Variants in SMIM36 observed in about 807,000 individuals in gnomAD.
SMIM36 encodes the protein small integral membrane protein 36.
chr17:55,466,277 C>CAAAAA lies in SMIM36; in HGVS notation c.*531+863_*531+867dup, dbSNP rs796506078. On this transcript the variant is annotated intron_variant, in intron 4 of 4. Transcript: ENST00000636752. Reference sequence around the variant, plus strand: ...GGGCAACAAGATCAAGACTCCGTCTCAAAAAAAAAAAAAAAAAAAAAAAAA... The same window carrying CAAAAA: ...GGGCAACAAGATCAAGACTCCGTCTCAAAAAAAAAAAAAAAAAAAAAAAAAAAAAA... Among the ~76,000 whole-genome samples the CAAAAA allele has an allele frequency of 7.1e-3, 326 of 46,194 alleles. 1 individual carries two copies. Among genetic ancestry groups the CAAAAA allele is most frequent in the Non-Finnish European group, 8.4e-3 (204 of 24,386 alleles). 30.3% of individuals were successfully genotyped at this position (46,194 alleles called of 152,430 possible). A position where few individuals can be genotyped will look rare whatever the true frequency, so the allele number is the denominator to read the frequency against.
chr17:55,467,851 A>T (rs1017743950), intron 3 of SMIM36, among the ~76,000 whole-genome samples: 1 of 152,162 alleles, frequency 6.6e-6, no homozygotes, highest in African/African-American at 2.4e-5. Flanking sequence ...AAGTGAAAAT[A>T]GGCAGTTCCT....
chr17:55,491,247 C>CA (rs1206937453), intron 1 of SMIM36, among the ~76,000 whole-genome samples: 6,865 of 48,682 alleles, frequency 0.14, 301 homozygotes, highest in African/African-American at 0.22. Flanking sequence ...GTCTCCTCAC[C>CA]AAAAAAAAAA....
chr17:55,468,521 C>A (rs1323998523), intron 3 of SMIM36: 1 of 152,958 alleles, frequency 6.5e-6, no homozygotes, highest in African/African-American at 2.4e-5. Flanking sequence ...CTGCCTTGAT[C>A]ATTCACCCAC....
At chr17:55,531,812 A>C in the SMIM36 span, among the ~76,000 whole-genome samples, 1 of 152,258 alleles carries the variant, frequency 6.6e-6, no homozygotes. Flanking sequence ...TGAGGAGGAC[A>C]CAATAGTACG....
chr17:55,502,316 A>G (rs1910007114), intron 1 of SMIM36, among the ~76,000 whole-genome samples: 1 of 132,824 alleles, frequency 7.5e-6, no homozygotes, highest in Non-Finnish European at 1.6e-5. Flanking sequence ...GCAGACTTAA[A>G]TGTCCCTGTC....
chr17:55,508,464 A>ATATATATATATC (rs1414530815), intron 1 of SMIM36, among the ~76,000 whole-genome samples: 2 of 119,060 alleles, frequency 1.7e-5, no homozygotes, highest in African/African-American at 6.3e-5. Flanking sequence ...ATATATATAT[A>ATATATATATATC]TATATGAACC....
intron 4 of SMIM36, among the ~76,000 whole-genome samples, chr17:55,464,946 A>G (rs1909210332): frequency 1.3e-5 from 2 of 152,236 alleles, no homozygotes; most frequent in South Asian, 4.1e-4. Context: ...TAAAATGGAA[A>G]TAATACCTGA....
intron 4 of SMIM36, among the ~76,000 whole-genome samples, chr17:55,460,780 C>A (rs1909135144): frequency 6.6e-6 from 1 of 152,056 alleles, no homozygotes; most frequent in South Asian, 2.1e-4. Flanking sequence ...ATGGCGTGAA[C>A]CCAGGAGGCG....
upstream of SMIM36, among the ~76,000 whole-genome samples, chr17:55,512,255 C>G (rs1269761337): frequency 1.3e-5 from 2 of 152,130 alleles, no homozygotes; most frequent in African/African-American, 4.8e-5. Context: ...AGAAAGGAGC[C>G]TGGAAAATTG....
chr17:55,522,521 G>A, the SMIM36 span, among the ~76,000 whole-genome samples: 9 of 152,214 alleles, frequency 5.9e-5, no homozygotes, highest in African/African-American at 2.2e-4. Flanking sequence ...AGGCAAGAGA[G>A]TTTGTGCAGG....
At chr17:55,497,452 G>C (rs542448227) in intron 1 of SMIM36, among the ~76,000 whole-genome samples, 83 of 152,202 alleles carry the variant, frequency 5.5e-4, no homozygotes, top group African/African-American at 1.9e-3. Flanking sequence ...TTTTAGTAGA[G>C]ATGGGGTTTC....
At chr17:55,526,667 T>C in the SMIM36 span, among the ~76,000 whole-genome samples, 1 of 152,206 alleles carries the variant, frequency 6.6e-6, no homozygotes, top group Non-Finnish European at 1.5e-5. Flanking sequence ...AATAATGGCT[T>C]TTGGATGATC....
the SMIM36 span, among the ~76,000 whole-genome samples, chr17:55,516,545 A>ACAGTCTTC: frequency 6.9e-6 from 1 of 144,166 alleles, no homozygotes; most frequent in Non-Finnish European, 1.5e-5. Flanking sequence ...AGGAATGTGA[A>ACAGTCTTC]CAGTCTTCCT....
intron 1 of SMIM36, among the ~76,000 whole-genome samples, chr17:55,490,142 A>C (rs1471982573): frequency 6.6e-6 from 1 of 152,066 alleles, no homozygotes; most frequent in South Asian, 2.1e-4. Flanking sequence ...GACAGGAGCC[A>C]CCGCGCCTGG....
chr17:55,466,792 G>T (rs983056368), intron 4 of SMIM36, among the ~76,000 whole-genome samples: 8 of 152,202 alleles, frequency 5.3e-5, no homozygotes, highest in Non-Finnish European at 8.8e-5. Flanking sequence ...TGGTGGTATC[G>T]GAGGTGCCAA....
At chr17:55,513,232 A>T (rs1302848141), upstream of SMIM36, among the ~76,000 whole-genome samples, 1 of 152,196 alleles carries the variant, frequency 6.6e-6, no homozygotes, top group East Asian at 1.9e-4. Context: ...TGCAACCAGG[A>T]TGGAGAATCA....
chr17:55,466,422 C>A (rs1010912779), intron 4 of SMIM36, among the ~76,000 whole-genome samples: 1 of 151,890 alleles, frequency 6.6e-6, no homozygotes, highest in Admixed American at 6.6e-5. Flanking sequence ...TTAGATGCTA[C>A]GTGTGGGAGT....
intron 1 of SMIM36, among the ~76,000 whole-genome samples, chr17:55,492,101 G>A (rs574349724): frequency 2.3e-4 from 35 of 151,480 alleles, no homozygotes; most frequent in African/African-American, 7.3e-4. Flanking sequence ...AGAGCTTGCA[G>A]TGAGCTGAGA....
At chr17:55,483,980 T>G (rs1909563843) in intron 1 of SMIM36, among the ~76,000 whole-genome samples, 2 of 152,182 alleles carry the variant, frequency 1.3e-5, no homozygotes, top group African/African-American at 2.4e-5. Context: ...TCTCTCTCTC[T>G]CTACACATTC....
Sources: gnomAD v4.1 joint callset for allele counts (sites outside exome capture counted in the v4.1 genomes callset) on GRCh38, gnomAD v4.1.1 for gene constraint, MANE v1.5 for transcripts, NCBI Gene and HGNC (gene_info 2026-07-23, HGNC 2026-07-21) for gene names.